STOX2: variants seen among roughly 807,000 people sequenced by gnomAD.
STOX2 encodes storkhead-box protein 2.
In STOX2, 28 loss-of-function variants were observed where a neutral mutation model predicts 60.9. The ratio of observed to expected loss-of-function variants is 0.46; its 90% confidence interval spans 0.34 to 0.63. STOX2 has a LOEUF of 0.63. STOX2 is among the 30% of genes least tolerant of loss of function. The pLI, the probability that STOX2 is intolerant of heterozygous loss-of-function variation, is 0.01. For synonymous variants in STOX2, 472 were observed against 463.9 expected (o/e 1.02, Z -0.22); for missense variants, 1,024 against 1,187.7 (o/e 0.86, Z 2.03).
intron 1 of STOX2, among the ~76,000 whole-genome samples, chr4:183,959,334 G>C (rs1462663891): frequency 1.3e-5 from 2 of 152,130 alleles, no homozygotes; most frequent in African/African-American, 4.8e-5. Flanking sequence ...AGGGCGGAAG[G>C]GGGGGTTTTC....
upstream of STOX2, among the ~76,000 whole-genome samples, chr4:183,901,422 G>T (rs542966119): frequency 8.0e-4 from 122 of 152,134 alleles, no homozygotes; most frequent in African/African-American, 2.8e-3. Flanking sequence ...TTCTTTTCGG[G>T]TATATCTAGA....
At chr4:183,823,647 G>C (rs886708113) in intron 1 of STOX2, among the ~76,000 whole-genome samples, 3 of 152,194 alleles carry the variant, frequency 2.0e-5, no homozygotes, top group African/African-American at 4.8e-5. Flanking sequence ...TTCCAGCAAA[G>C]CACGTCCTCA....
chr4:183,864,614 G>A (rs777877786), intron 1 of STOX2, among the ~76,000 whole-genome samples: 43 of 152,136 alleles, frequency 2.8e-4, no homozygotes, highest in African/African-American at 7.2e-4. Flanking sequence ...GGCTGGTCTC[G>A]AACTCCTGAC....
chr4:183,951,208 C>T (rs1743077508), intron 1 of STOX2, among the ~76,000 whole-genome samples: 2 of 140,982 alleles, frequency 1.4e-5, no homozygotes, highest in African/African-American at 2.7e-5. Context: ...GAGCGAGACT[C>T]CGTCTCAAAA....
At chr4:183,909,406 TTTC>T (rs1357381441) in intron 1 of STOX2, among the ~76,000 whole-genome samples, 2 of 152,230 alleles carry the variant, frequency 1.3e-5, no homozygotes, top group African/African-American at 4.8e-5. Flanking sequence ...GCCTTTCATA[TTTC>T]TTCTTTCTGT....
intron 1 of STOX2, among the ~76,000 whole-genome samples, chr4:183,882,029 G>A (rs994491650): frequency 6.6e-6 from 1 of 152,188 alleles, no homozygotes; most frequent in Non-Finnish European, 1.5e-5. Flanking sequence ...GGACATATGC[G>A]CTGTGGCCAG....
chr4:184,007,635 A>G (rs867569719), intron 2 of STOX2, among the ~76,000 whole-genome samples: 28 of 152,332 alleles, frequency 1.8e-4, no homozygotes, highest in Middle Eastern at 3.4e-3. Context: ...CAAAGTGCAG[A>G]TGGCTCAACC....
chr4:183,940,557 C>T (rs942584563), intron 1 of STOX2, among the ~76,000 whole-genome samples: 2 of 152,096 alleles, frequency 1.3e-5, no homozygotes, highest in African/African-American at 4.8e-5. Flanking sequence ...TTGGCAACCA[C>T]GAGAAAACCA....
intron 1 of STOX2, among the ~76,000 whole-genome samples, chr4:183,881,824 G>A (rs936067432): frequency 1.3e-5 from 2 of 152,142 alleles, no homozygotes; most frequent in Non-Finnish European, 2.9e-5. Flanking sequence ...CATCATCTGC[G>A]TAGCTTTGGA....
chr4:183,868,606 G>C (rs1740624337), intron 1 of STOX2, among the ~76,000 whole-genome samples: 1 of 152,170 alleles, frequency 6.6e-6, no homozygotes, highest in Admixed American at 6.5e-5. Flanking sequence ...ACCAGGAACA[G>C]CTGATTAAGC....
At chr4:183,909,197 A>G (rs546945386) in intron 1 of STOX2, among the ~76,000 whole-genome samples, 1 of 152,330 alleles carries the variant, frequency 6.6e-6, no homozygotes, top group Non-Finnish European at 1.5e-5. Context: ...CTTTACAAAT[A>G]TGGCTCCTTT....
In STOX2 at chr4:184,011,734, A is replaced by G; in HGVS notation, c.2585+311A>G. The G allele has an allele frequency of 1.1e-6, 1 of 888,906 alleles. No homozygotes were observed. The highest frequency in any genetic ancestry group is 1.8e-5 in the South Asian group (1 of 55,812). 55.1% of individuals were successfully genotyped at this position (888,906 alleles called of 1,614,324 possible). On this transcript the variant is annotated intron_variant, in intron 3 of 3. Coordinates refer to ENST00000308497, the MANE Select transcript of STOX2 (RefSeq NM_020225.3). This position sits in a 1 kb window ranked among gnomAD's most constrained non-coding sequence, Gnocchi z 4.4. ...CTACGTTCATATTGCCACCCATGCT[A>G]AGAGAAGGATGTTTTTTAAGTCCTT...
chr4:184,008,036 C>T (rs963412905), intron 2 of STOX2, among the ~76,000 whole-genome samples: 1 of 152,212 alleles, frequency 6.6e-6, no homozygotes, highest in Non-Finnish European at 1.5e-5. Flanking sequence ...AGCCCGGCCC[C>T]AGCCTTTTAG....
At chr4:183,968,921 T>C (rs1372845137) in intron 1 of STOX2, among the ~76,000 whole-genome samples, 1 of 152,228 alleles carries the variant, frequency 6.6e-6, no homozygotes, top group Non-Finnish European at 1.5e-5. Context: ...GCCTGAAAAG[T>C]ACATATGACT....
chr4:183,903,386 T>C (rs1479733621), upstream of STOX2, among the ~76,000 whole-genome samples: 1 of 152,150 alleles, frequency 6.6e-6, no homozygotes, highest in African/African-American at 2.4e-5. Flanking sequence ...TTTGCTTGAG[T>C]GGCTCCTCAT....
rs186703549 is a variant in STOX2 at position 183,871,385 on chromosome 4, G to A, written c.364+73330G>A. ...TGAAAAAGTTTTTGAACCTTGAAAA[G>A]CAGGTATCCTGATCTGCTTTCAGTA... On this transcript the variant is annotated intron_variant, in intron 1 of 2. Coordinates refer to the STOX2 transcript ENST00000513034. 7.0e-4 allele frequency among the ~76,000 whole-genome samples: 107 copies of A among 152,304 alleles called. 1 individual carries two copies. Among genetic ancestry groups the A allele is most frequent in the Non-Finnish European group, 1.2e-3 (85 of 68,026 alleles).
At chr4:183,884,092 G>T (rs530873219) in intron 1 of STOX2, among the ~76,000 whole-genome samples, 2 of 152,184 alleles carry the variant, frequency 1.3e-5, no homozygotes, top group East Asian at 3.9e-4. Context: ...GACCTTAGGT[G>T]ATCCGCCCCC....
rs1027999460 is a variant in STOX2 at position 184,017,797 on chromosome 4, G to T, written c.*513G>T. 2 of 151,522 alleles carry T rather than the reference G, an allele frequency of 1.3e-5. No individual in the cohort carries two copies. The highest frequency in any genetic ancestry group is 4.9e-5 in the African/African-American group (2 of 41,176). 9.4% of individuals were successfully genotyped at this position (151,522 alleles called of 1,614,324 possible). A position where few individuals can be genotyped will look rare whatever the true frequency, so the allele number is the denominator to read the frequency against. On this transcript the variant is annotated 3_prime_UTR_variant, in exon 4 of 4. Transcript: ENST00000308497. ...GCAAGGGTCCACCTTGAGGGAAATA[G>T]ATGCCAAACTAACTAGAAGGGACCC... is the stretch of plus-strand genomic sequence containing the variant.
Position 184,009,457 on chromosome 4 carries a change from C to T in STOX2, c.619C>T (p.His207Tyr), listed in dbSNP as rs775577072. ...TTGCCACTGCTGCAGAGAAGACGTG[C>T]ACAGCACGCATGCACCCACCCTGCA... Reference protein sequence around the residue: ...DSCHCCREDVHSTHAPTLQRK... With the variant: ...DSCHCCREDVYSTHAPTLQRK... The change falls in exon 3 of 4, where the codon CAC becomes TAC. Residue 207 changes from histidine to tyrosine, a missense_variant. Physicochemically the swap from His to Tyr is moderately conservative, Grantham distance 83. Around this residue, in one of 3 missense-constraint regions of STOX2, gnomAD observed 922 missense variants for 1,058.3 expected, o/e 0.87. Coordinates refer to ENST00000308497, the MANE Select transcript of STOX2 (RefSeq NM_020225.3). The surrounding 1 kb of genome is among the most constrained non-coding windows in gnomAD (Gnocchi z 4.0). The T allele has an allele frequency of 3.1e-6, 5 of 1,614,050 alleles. No homozygotes were observed. The highest frequency in any genetic ancestry group is 4.2e-6 in the Non-Finnish European group (5 of 1,179,898).
Sources: gnomAD v4.1 joint callset for allele counts (sites outside exome capture counted in the v4.1 genomes callset) on GRCh38, gnomAD v4.1.1 for gene constraint, gnomAD v4.1.1 regional missense constraint, Gnocchi (gnomAD v3.1) non-coding constraint, MANE v1.5 for transcripts, NCBI Gene and HGNC (gene_info 2026-07-23, HGNC 2026-07-21) for gene names.